The following TEX11 variants were observed in gnomAD, a reference collection of about 807,000 sequenced individuals.
The protein encoded by TEX11 is testis expressed 11, also known as testis-expressed protein 11.
TEX11 carries 7 observed loss-of-function variants against 84.4 expected under a neutral mutation model. That is an observed-to-expected ratio of 0.08 (90% confidence interval 0.05 to 0.16). The LOEUF (loss-of-function observed/expected upper bound fraction) is 0.16. Ranked by LOEUF, TEX11 falls within the 10% of genes least tolerant of loss-of-function variation. TEX11 has a pLI of 1.00. For missense variants in TEX11, 551 were observed against 660.5 expected, an observed-to-expected ratio of 0.83 and a Z score of 1.82; for synonymous variants, 264 against 222.8, an observed-to-expected ratio of 1.18 and a Z score of -1.64.
At chrX:70,771,971 A>G (rs957708025) in intron 9 of TEX11, among the ~76,000 whole-genome samples, 16 of 111,924 alleles carry the variant, frequency 1.4e-4, no homozygotes, top group African/African-American at 4.9e-4. Context: ...CATTAGCCTC[A>G]GTGCTAGATC....
intron 16 of TEX11, among the ~76,000 whole-genome samples, chrX:70,667,343 T>C (rs1255071082): frequency 8.9e-6 from 1 of 112,043 alleles, no homozygotes; most frequent in Non-Finnish European, 1.9e-5. Flanking sequence ...TACTTATTTA[T>C]CTTTTTATTG....
Position 70,761,405 on chromosome X carries a change from A to G in TEX11, c.693-17186T>C, listed in dbSNP as rs769849574. ...ACTGGATTAAGAAAATGTGGCACATATACACCATGGAACACTATGCAGCCA... is the reference window on the plus strand; with the variant it reads ...ACTGGATTAAGAAAATGTGGCACATGTACACCATGGAACACTATGCAGCCA... On this transcript the variant is annotated intron_variant, in intron 9 of 29. Transcript: ENST00000374333. Among the ~76,000 whole-genome samples, 3 of 112,183 alleles carry G rather than the reference A, an allele frequency of 2.7e-5. No individual in the cohort carries two copies. The East Asian group carries it at 8.4e-4, about 31-fold the overall frequency.
At chrX:70,636,390 G>A (rs867891436) in intron 17 of TEX11, among the ~76,000 whole-genome samples, 4 of 109,913 alleles carry the variant, frequency 3.6e-5, no homozygotes, top group African/African-American at 1.3e-4. Flanking sequence ...TAGGCCAAGG[G>A]TCTAGTACCA....
intron 25 of TEX11, among the ~76,000 whole-genome samples, chrX:70,555,080 T>G (rs1421096467): frequency 1.8e-5 from 2 of 112,128 alleles, no homozygotes; most frequent in African/African-American, 6.5e-5. Flanking sequence ...ACGATGCTTC[T>G]AAACAGCCTG....
At chrX:70,574,405 T>C (rs2088646161) in intron 25 of TEX11, among the ~76,000 whole-genome samples, 1 of 111,627 alleles carries the variant, frequency 9.0e-6, no homozygotes, top group Admixed American at 9.6e-5. Context: ...CCTGGAAACC[T>C]GCCCTTCTCT....
chrX:70,823,435 G>A (rs1160462119), intron 8 of TEX11, among the ~76,000 whole-genome samples: 6 of 111,392 alleles, frequency 5.4e-5, no homozygotes, highest in Non-Finnish European at 1.1e-4. Context: ...AGGTAACTAT[G>A]TGAGGTGATG....
At chrX:70,578,621 AT>A (rs1002672846) in intron 25 of TEX11, among the ~76,000 whole-genome samples, 50 of 110,836 alleles carry the variant, frequency 4.5e-4, no homozygotes, top group African/African-American at 1.5e-3. Context: ...AGTGTAAAAT[AT>A]TTTCCTATCT....
chrX:70,750,421 G>C (rs1170824919), intron 9 of TEX11, among the ~76,000 whole-genome samples: 1 of 111,486 alleles, frequency 9.0e-6, no homozygotes, highest in African/African-American at 3.3e-5. Context: ...TCCCATTACT[G>C]GGTATATAGC....
chrX:70,807,655 C>T (rs2091226678), intron 8 of TEX11, among the ~76,000 whole-genome samples: 1 of 111,573 alleles, frequency 9.0e-6, no homozygotes, highest in Non-Finnish European at 1.9e-5. Context: ...AGATCCTCAA[C>T]TAAGAATCCA....
At position 70,607,005 on chromosome X, in the gene TEX11, T is replaced by C; in HGVS notation, c.1904A>G (p.Asp635Gly). Residue 635 changes from aspartate to glycine, a missense_variant, in exon 23 of 30, where the codon GAC becomes GGC. By Grantham distance (94) the Asp-to-Gly change is moderately conservative (BLOSUM62 -1). Coordinates refer to ENST00000374333, the MANE Select transcript of TEX11 (RefSeq NM_031276.3). ...CTCTCTCATCATCACTGGATCTTTG[T>C]CACATTGCACAGCCAAGTTCCAAGC... ...KTAWNLAVQC[D>G]KDPVMMREFF... 2 of 1,198,646 alleles carry C rather than the reference T, an allele frequency of 1.7e-6. No homozygotes were observed. The highest frequency in any genetic ancestry group is 1.1e-6 in the Non-Finnish European group (1 of 890,217).
At chrX:70,847,663 T>C (rs1348390258) in intron 7 of TEX11, among the ~76,000 whole-genome samples, 5 of 111,779 alleles carry the variant, frequency 4.5e-5, no homozygotes, top group Non-Finnish European at 5.6e-5. Context: ...TGTTTCAGCC[T>C]CCCATGAAGC....
chrX:70,780,504 G>A (rs749555674), intron 9 of TEX11, among the ~76,000 whole-genome samples: 35 of 112,038 alleles, frequency 3.1e-4, no homozygotes, highest in Non-Finnish European at 6.0e-4. Flanking sequence ...AGGGTGGAGC[G>A]TTGACTCATG....
At chrX:70,799,468 C>T (rs927241736) in intron 9 of TEX11, among the ~76,000 whole-genome samples, 1 of 111,899 alleles carries the variant, frequency 8.9e-6, no homozygotes, top group Non-Finnish European at 1.9e-5. Context: ...AAAATTTTGG[C>T]TTTCTGAAAA....
At chrX:70,827,289 G>C (rs1338633006) in intron 8 of TEX11, among the ~76,000 whole-genome samples, 1 of 111,743 alleles carries the variant, frequency 8.9e-6, no homozygotes, top group Non-Finnish European at 1.9e-5. Flanking sequence ...GTACACCATG[G>C]GCCTTGGGCT....
intron 9 of TEX11, among the ~76,000 whole-genome samples, chrX:70,751,629 A>G (rs2090826576): frequency 9.0e-6 from 1 of 111,117 alleles, no homozygotes; most frequent in Non-Finnish European, 1.9e-5. Flanking sequence ...AACTTAAAGT[A>G]TAATAAACAA....
intron 13 of TEX11, among the ~76,000 whole-genome samples, chrX:70,701,914 A>G (rs1446698065): frequency 9.0e-6 from 1 of 111,556 alleles, no homozygotes; most frequent in African/African-American, 3.2e-5. Flanking sequence ...GCCTGAAGAT[A>G]TGATTGAATT....
chrX:70,618,819 C>T (rs775786452), intron 20 of TEX11, among the ~76,000 whole-genome samples: 2 of 111,843 alleles, frequency 1.8e-5, no homozygotes, highest in Admixed American at 1.9e-4. Flanking sequence ...TGTCCAACAA[C>T]GGGCAGAGAT....
chrX:70,817,444 G>A (rs1308706032), intron 8 of TEX11, among the ~76,000 whole-genome samples: 1 of 112,149 alleles, frequency 8.9e-6, no homozygotes, highest in Non-Finnish European at 1.9e-5. Flanking sequence ...GATCAAGAAA[G>A]CACACACGTG....
chrX:70,520,923 G>A, the TEX11 span, among the ~76,000 whole-genome samples: 5 of 112,239 alleles, frequency 4.5e-5, no homozygotes, highest in East Asian at 2.8e-4. Flanking sequence ...AAAGCTCCGC[G>A]GGCATGGGAC....
Sources: allele counts gnomAD v4.1 joint callset (sites outside exome capture counted in the v4.1 genomes callset), GRCh38; gene constraint gnomAD v4.1.1; transcripts MANE v1.5; gene names NCBI Gene and HGNC (gene_info 2026-07-23, HGNC 2026-07-21).